DLGAP5: variants seen among roughly 807,000 people sequenced by gnomAD.
DLGAP5 encodes the protein disks large-associated protein 5.
Under a neutral mutation model 99.6 loss-of-function variants are expected in DLGAP5, and 90 were observed. The observed-to-expected ratio is 0.90, with a 90% CI of 0.76 to 1.08. The LOEUF (loss-of-function observed/expected upper bound fraction) is 1.08. Among genes scored for constraint, DLGAP5 ranks in the 50% least tolerant of loss-of-function variants. The pLI, the probability that DLGAP5 is intolerant of heterozygous loss-of-function variation, is 0.00. For missense variants in DLGAP5, 1,036 were observed against 983.5 expected (o/e 1.05, Z -0.71); for synonymous variants, 311 against 321.3 (o/e 0.97, Z 0.34).
chr14:55,160,131 A>G (rs1233747750), intron 13 of DLGAP5, among the ~76,000 whole-genome samples: 1 of 152,094 alleles, frequency 6.6e-6, no homozygotes, highest in East Asian at 1.9e-4. Context: ...TGAACCTGGG[A>G]GGCTGAGGTT....
chr14:55,161,416 T>A (rs1029629524), intron 13 of DLGAP5, among the ~76,000 whole-genome samples: 1 of 148,892 alleles, frequency 6.7e-6, no homozygotes, highest in African/African-American at 2.5e-5. Context: ...AAATTTTTTT[T>A]TTTTTTTTTT....
chr14:55,152,472 T>C, intron 16 of DLGAP5, 118 bp downstream of exon 16: 1 of 702,490 alleles, frequency 1.4e-6, no homozygotes, highest in Non-Finnish European at 2.2e-6. Context: ...ACTACAATTC[T>C]ACATGACTGA....
intron 11 of DLGAP5, among the ~76,000 whole-genome samples, chr14:55,170,465 ATTAC>A (rs1221543921): frequency 5.9e-5 from 9 of 152,222 alleles, no homozygotes; most frequent in Non-Finnish European, 1.3e-4. Context: ...CAATATTCTA[ATTAC>A]TTACATCTTT....
intron 3 of DLGAP5, 110 bp downstream of exon 3, chr14:55,183,450 C>T (rs945447571): frequency 1.1e-6 from 1 of 916,516 alleles, no homozygotes; most frequent in Non-Finnish European, 1.5e-6. Flanking sequence ...TTCCCACCTT[C>T]TACCAACCAG....
At chr14:55,173,174 C>T (rs181548912) in intron 10 of DLGAP5, among the ~76,000 whole-genome samples, 1 of 150,870 alleles carries the variant, frequency 6.6e-6, no homozygotes, top group East Asian at 1.9e-4. Flanking sequence ...GTGGCTCATG[C>T]CTGTAATCCT....
chr14:55,180,027 A>G (rs1883222408), intron 6 of DLGAP5, among the ~76,000 whole-genome samples: 1 of 152,156 alleles, frequency 6.6e-6, no homozygotes, highest in South Asian at 2.1e-4. Flanking sequence ...TGATACAAAT[A>G]TCTAAAATCT....
At chr14:55,182,317 C>CT in intron 4 of DLGAP5, 53 bp downstream of exon 4, 1 of 1,454,540 alleles carries the variant, frequency 6.9e-7, no homozygotes, top group Non-Finnish European at 9.5e-7. Context: ...AATTTACTTA[C>CT]TAAAAAAGTG....
Position 55,183,567 on chromosome 14 carries a change from G to C in DLGAP5, c.425C>G (p.Pro142Arg). 6.5e-7 allele frequency: 1 copy of C among 1,547,316 alleles called. No individual in the cohort carries two copies. The highest frequency in any genetic ancestry group is 8.7e-7 in the Non-Finnish European group (1 of 1,154,376). The change falls in exon 3 of 19, where the codon CCA (proline) becomes CGA (arginine). Residue 142 changes from proline to arginine, a missense_variant. Coordinates refer to ENST00000247191, the MANE Select transcript of DLGAP5 (RefSeq NM_014750.5). ...LSNQNAVKAE[P>R]KKAIPSSVRI... is the part of the protein sequence containing the mutation. ...TTAAGACACTAAATTTACCTTTTTTGGCTCAGCTTTCACAGCATTCTGGTT... is the reference window on the plus strand; with the variant it reads ...TTAAGACACTAAATTTACCTTTTTTCGCTCAGCTTTCACAGCATTCTGGTT...
At chr14:55,180,512 G>C in intron 6 of DLGAP5, 144 bp downstream of exon 6, 1 of 1,145,416 alleles carries the variant, frequency 8.7e-7, no homozygotes, top group Non-Finnish European at 1.2e-6. Context: ...AGATGTCAGG[G>C]CACAGAATCT....
chr14:55,154,524 A>C, intron 15 of DLGAP5, 93 bp downstream of exon 15: 1 of 1,052,062 alleles, frequency 9.5e-7, no homozygotes, highest in Admixed American at 2.1e-5. Flanking sequence ...TTTATTAAAA[A>C]TATATGTCTG....
At chr14:55,190,474 G>A (rs1883576246) in intron 1 of DLGAP5, among the ~76,000 whole-genome samples, 3 of 152,182 alleles carry the variant, frequency 2.0e-5, no homozygotes, top group Admixed American at 2.0e-4. Context: ...CACCTGTGTA[G>A]CTGGTATAGA....
intron 10 of DLGAP5, among the ~76,000 whole-genome samples, chr14:55,172,066 T>C (rs921205301): frequency 1.3e-5 from 2 of 151,998 alleles, no homozygotes; most frequent in Admixed American, 6.6e-5. Flanking sequence ...TTTCACCAAG[T>C]TGGCCAGGCT....
At position 55,181,408 on chromosome 14, in the gene DLGAP5, C is replaced by G. The variant is rs910025733; in HGVS notation, c.496-111G>C. 5 of 704,346 alleles carry G rather than the reference C, an allele frequency of 7.1e-6. No individual in the cohort carries two copies. In the Admixed American group the frequency reaches 1.1e-4, roughly 15 times the overall value. The allele number at this position is 704,346 out of a possible 1,614,324, so 43.6% of individuals were successfully genotyped here. A position where few individuals can be genotyped will look rare whatever the true frequency, so the allele number is the denominator to read the frequency against. On this transcript the variant is annotated intron_variant, in intron 4 of 18. Coordinates refer to ENST00000247191, the MANE Select transcript of DLGAP5 (RefSeq NM_014750.5). ...TGAAATCTGATCATCGTAAATGACCCAACAACAACAACAAAAAACTACCCC... is the reference window on the plus strand; with the variant it reads ...TGAAATCTGATCATCGTAAATGACCGAACAACAACAACAAAAAACTACCCC...
Position 55,188,927 on chromosome 14 carries a change from C to T in DLGAP5, c.238+15G>A. ...CTCTTCAAAGTACTTAAAATTACAACAGACCTTTACTTACTTGGCTTAACA... is the reference window on the plus strand; with the variant it reads ...CTCTTCAAAGTACTTAAAATTACAATAGACCTTTACTTACTTGGCTTAACA... On this transcript the variant is annotated intron_variant, in intron 2 of 18. Transcript: ENST00000247191. The T allele has an allele frequency of 6.3e-7, 1 of 1,597,400 alleles. No homozygotes were observed. Among genetic ancestry groups the T allele is most frequent in the Non-Finnish European group, 8.6e-7 (1 of 1,168,342 alleles).
chr14:55,185,407 G>T (rs755827244), intron 2 of DLGAP5, among the ~76,000 whole-genome samples: 2 of 152,030 alleles, frequency 1.3e-5, no homozygotes, highest in Non-Finnish European at 2.9e-5. Flanking sequence ...CACCATTTTG[G>T]CCAGGGTGGT....
intron 15 of DLGAP5, among the ~76,000 whole-genome samples, chr14:55,153,586 T>A (rs919434839): frequency 6.6e-6 from 1 of 151,958 alleles, no homozygotes; most frequent in Non-Finnish European, 1.5e-5. Context: ...AGTTACTTTT[T>A]AAAAAAGATA....
chr14:55,184,908 TAATC>T (rs576595316), intron 2 of DLGAP5, among the ~76,000 whole-genome samples: 40 of 152,332 alleles, frequency 2.6e-4, no homozygotes, highest in Admixed American at 6.5e-4. Context: ...TTGTATGAAA[TAATC>T]AATATTTATT....
At chr14:55,189,961 C>T (rs556671465) in intron 1 of DLGAP5, among the ~76,000 whole-genome samples, 1 of 152,106 alleles carries the variant, frequency 6.6e-6, no homozygotes, top group Non-Finnish European at 1.5e-5. Flanking sequence ...GTGACCAGCC[C>T]CAATCCTGAA....
chr14:55,167,559 A>C (rs1882688222), intron 12 of DLGAP5, among the ~76,000 whole-genome samples: 1 of 152,158 alleles, frequency 6.6e-6, no homozygotes, highest in Non-Finnish European at 1.5e-5. Context: ...TGGTTGAGAC[A>C]GGGTCTCGCC....
Sources: allele counts gnomAD v4.1 joint callset (sites outside exome capture counted in the v4.1 genomes callset), GRCh38; gene constraint gnomAD v4.1.1; transcripts MANE v1.5; gene names NCBI Gene and HGNC (gene_info 2026-07-23, HGNC 2026-07-21).